SUMF2: variants seen among roughly 807,000 people sequenced by gnomAD.
SUMF2 encodes inactive C-alpha-formylglycine-generating enzyme 2.
A neutral mutation model predicts 44.8 loss-of-function variants in SUMF2; 45 were observed. That is an observed-to-expected ratio of 1.00 (90% CI 0.79 to 1.29). The LOEUF (loss-of-function observed/expected upper bound fraction) is 1.29. SUMF2 is among the 50% of genes most tolerant of loss of function. The pLI is 0.00. For missense variants in SUMF2, 418 were observed against 389.9 expected, an observed-to-expected ratio of 1.07 and a Z score of -0.61; for synonymous variants, 148 against 150.4, an observed-to-expected ratio of 0.98 and a Z score of 0.12.
downstream of SUMF2, chr7:56,081,374 C>T (rs1795979367): frequency 1.3e-5 from 20 of 1,514,418 alleles, no homozygotes; most frequent in Non-Finnish European, 1.6e-5. The surrounding 1 kb of genome is among the most constrained non-coding windows in gnomAD (Gnocchi z 4.6). Flanking sequence ...CAGGGACGCT[C>T]TGGGCTCGTT....
chr7:56,068,019 CTTTT>C (rs1297560634), intron 1 of SUMF2, among the ~76,000 whole-genome samples: 1 of 139,402 alleles, frequency 7.2e-6, no homozygotes, highest in Non-Finnish European at 1.5e-5. Flanking sequence ...AAGGAATTTT[CTTTT>C]TTTCTTTCTT....
At chr7:56,087,764 A>C in the SUMF2 span, 45 of 1,611,764 alleles carry the variant, frequency 2.8e-5, no homozygotes, top group Non-Finnish European at 3.7e-5. Flanking sequence ...GCCTGACCAC[A>C]CTGCTAACGC....
chr7:56,083,144 C>G (rs1796097307), downstream of SUMF2: 4 of 750,324 alleles, frequency 5.3e-6, no homozygotes, highest in South Asian at 6.1e-5. Context: ...AAAAAAATCC[C>G]TAGCCCTTGA....
At chr7:56,078,216 C>T in intron 7 of SUMF2, 30 bp downstream of exon 7, 1 of 1,594,312 alleles carries the variant, frequency 6.3e-7, no homozygotes, top group East Asian at 2.3e-5. Flanking sequence ...TGCGGCTGTG[C>T]CCATGAACTG....
At chr7:56,066,081 A>G (rs572319833) in intron 1 of SUMF2, among the ~76,000 whole-genome samples, 227 of 114,264 alleles carry the variant, frequency 2.0e-3, no homozygotes, top group Non-Finnish European at 3.1e-3. Flanking sequence ...GCTCCGCCTC[A>G]CAAAAAAAAA....
downstream of SUMF2, chr7:56,083,700 C>G (rs781720110): frequency 3.2e-6 from 5 of 1,580,376 alleles, no homozygotes; most frequent in Admixed American, 3.6e-5. Context: ...AGTCAAAGAG[C>G]TCCCCTCTCT....
chr7:56,069,907 G>GTATT (rs922091851), intron 2 of SUMF2, among the ~76,000 whole-genome samples: 5 of 151,722 alleles, frequency 3.3e-5, no homozygotes, highest in East Asian at 3.9e-4. Context: ...TTATTTATTT[G>GTATT]TATTTATTTA....
chr7:56,068,700 CTT>C (rs878935853), intron 2 of SUMF2, 62 bp downstream of exon 2: 10,413 of 1,236,150 alleles, frequency 8.4e-3, no homozygotes, highest in East Asian at 0.014. Flanking sequence ...TTTTTTCTTT[CTT>C]TTTTTTTTTT....
downstream of SUMF2, chr7:56,083,568 G>T: frequency 6.7e-7 from 1 of 1,487,852 alleles, no homozygotes; most frequent in Non-Finnish European, 9.3e-7. Flanking sequence ...ACATGTGCAC[G>T]CCCTGCCTCC....
intron 6 of SUMF2, among the ~76,000 whole-genome samples, chr7:56,077,591 G>A (rs1168318972): frequency 6.6e-6 from 1 of 151,340 alleles, no homozygotes; most frequent in Non-Finnish European, 1.5e-5. Context: ...CCCAGGAGGC[G>A]GAGGTTGCAG....
intron 1 of SUMF2, 99 bp from the exon 2 acceptor site, chr7:56,068,383 G>A: frequency 1.6e-6 from 2 of 1,223,046 alleles, no homozygotes; most frequent in South Asian, 3.3e-5. Context: ...TTTTTGTTGT[G>A]TTTTGTTATA....
downstream of SUMF2, among the ~76,000 whole-genome samples, chr7:56,084,804 G>C (rs557203573): frequency 1.2e-4 from 18 of 152,038 alleles, no homozygotes; most frequent in African/African-American, 4.1e-4. Flanking sequence ...GATCTAGAAA[G>C]GACTCTGCTA....
At chr7:56,083,184 T>G, downstream of SUMF2, 2 of 1,093,784 alleles carry the variant, frequency 1.8e-6, no homozygotes, top group African/African-American at 1.6e-5. Flanking sequence ...CAGGGAACAA[T>G]TAAGTTAGGG....
In SUMF2 at chr7:56,080,383, C is replaced by T. The variant is rs549318027; in HGVS notation, c.*771C>T. On this transcript the variant is annotated 3_prime_UTR_variant, in exon 9 of 9. Transcript: ENST00000434526. The stretch of plus-strand genomic sequence containing the variant: ...GGCCCAAGCAATTCTCCCACCTCAG[C>T]CTCCTGAGTAGCTGGGACTACAAGT... 6.4e-6 allele frequency: 1 copy of T among 156,864 alleles called. No individual in the cohort carries two copies. The allele number at this position is 156,864 out of a possible 1,614,324, so 9.7% of individuals were successfully genotyped here. A position where few individuals can be genotyped will look rare whatever the true frequency, so the allele number is the denominator to read the frequency against.
chr7:56,087,526 C>T, the SUMF2 span: 713,591 of 1,475,262 alleles, frequency 0.48, 174,817 homozygotes, highest in East Asian at 0.63. Context: ...TGGGGCCACA[C>T]TCCCTGGCTT....
chr7:56,081,691 G>T (rs201883624), downstream of SUMF2: 52 of 1,613,758 alleles, frequency 3.2e-5, 1 homozygote, highest in South Asian at 5.6e-4. This position sits in a 1 kb window ranked among gnomAD's most constrained non-coding sequence, Gnocchi z 4.6. Flanking sequence ...CTGGAAGAAG[G>T]GGTGTGCCAA....
intron 2 of SUMF2, among the ~76,000 whole-genome samples, chr7:56,069,113 A>G (rs1339097451): frequency 6.6e-6 from 1 of 152,124 alleles, no homozygotes; most frequent in Admixed American, 6.6e-5. Context: ...CTGAAATCCA[A>G]AGAGGTTTGA....
intron 1 of SUMF2, among the ~76,000 whole-genome samples, chr7:56,065,837 C>CT (rs1220466464): frequency 6.6e-6 from 1 of 152,072 alleles, no homozygotes; most frequent in Admixed American, 6.6e-5. Flanking sequence ...AATCCCAGCA[C>CT]TTTAAGAGCC....
At chr7:56,083,471 C>A (rs774057522), downstream of SUMF2, 7 of 1,612,192 alleles carry the variant, frequency 4.3e-6, no homozygotes, top group Non-Finnish European at 5.9e-6. Context: ...TGTTACTCTT[C>A]CTCTGCTCAG....
Sources: gnomAD v4.1 joint callset for allele counts (sites outside exome capture counted in the v4.1 genomes callset) on GRCh38, gnomAD v4.1.1 for gene constraint, Gnocchi (gnomAD v3.1) non-coding constraint, MANE v1.5 for transcripts, NCBI Gene and HGNC (gene_info 2026-07-23, HGNC 2026-07-21) for gene names.